C4orf54: variants seen among roughly 807,000 people sequenced by gnomAD.
The protein encoded by C4orf54 is uncharacterized protein C4orf54.
In C4orf54, 67 loss-of-function variants were observed where a neutral mutation model predicts 80.1. The ratio of observed to expected loss-of-function variants is 0.84; its 90% CI spans 0.69 to 1.03. The LOEUF (loss-of-function observed/expected upper bound fraction) is 1.03, where lower values mean the gene tolerates loss of function less well. Among genes scored for constraint, C4orf54 ranks in the 50% least tolerant of loss-of-function variants. C4orf54 has a pLI of 0.00. For synonymous variants in C4orf54, 1,000 were observed against 917.0 expected, an observed-to-expected ratio of 1.09 and a Z score of -1.64; for missense variants, 2,434 against 2,253.5, an observed-to-expected ratio of 1.08 and a Z score of -1.62.
In C4orf54 at chr4:99,654,533, G is replaced by A; in HGVS notation, c.116C>T (p.Thr39Ile). Residue 39 changes from threonine (T) to isoleucine (I), a missense_variant, in exon 2 of 3, where the codon ACA becomes ATA. Physicochemically the swap from Thr to Ile is moderately conservative, Grantham distance 89 (BLOSUM62 -1). Transcript: ENST00000511828. ...CCRRCQANNW[T>I]GQLSYRTLAT... The stretch of plus-strand genomic sequence containing the variant: ...CAGTGTTCTGTAGCTGAGCTGTCCT[G>A]TCCAGTTGTTTGCCTGGCACCGTCG... 2.8e-6 allele frequency: 2 copies of A among 703,230 alleles called. No homozygotes were observed. The highest frequency in any genetic ancestry group is 2.0e-5 in the Admixed American group (1 of 50,006). 43.6% of individuals were successfully genotyped at this position (703,230 alleles called of 1,614,324 possible).
chr4:99,651,589 C>G lies in C4orf54; in HGVS notation c.3060G>C (p.Ala1020=). 1 of 1,536,024 alleles carries G rather than the reference C, an allele frequency of 6.5e-7. No homozygotes were observed. Among genetic ancestry groups the G allele is most frequent in the South Asian group, 1.2e-5 (1 of 84,050 alleles). The change falls in exon 2 of 3, where the codon GCG becomes GCC. Residue 1020 remains alanine (A), a synonymous_variant. Coordinates refer to ENST00000511828, the MANE Select transcript of C4orf54 (RefSeq NM_001354435.2). ...KYPAAQATST[A]VIRPKAPEIK... is the part of the protein sequence containing the mutation. ...TTTCGGGAGCCTTGGGTCTGATCAC[C>G]GCTGTGGAGGTGGCCTGAGCAGCAG...
chr4:99,652,708 C>A lies in C4orf54; in HGVS notation c.1941G>T (p.Arg647=). Residue 647 remains arginine, a synonymous_variant, in exon 2 of 3, where the codon CGG becomes CGT. Coordinates refer to ENST00000511828, the MANE Select transcript of C4orf54 (RefSeq NM_001354435.2). ...CTTCGGAGAGCGTGGTGGAGGACTC[C>A]CGGGAGCTGATGTTCAGAGCCTCAA... ...PYFEALNISS[R]ESSTTLSEVG... 2 of 1,536,040 alleles carry A rather than the reference C, an allele frequency of 1.3e-6. No homozygotes were observed. The highest frequency in any genetic ancestry group is 2.4e-5 in the East Asian group (1 of 40,888).
chr4:99,651,155 C>A lies in C4orf54; in HGVS notation c.3494G>T (p.Ser1165Ile), dbSNP rs796308040. The change falls in exon 2 of 3, where the codon AGC becomes ATC. Residue 1165 changes from serine to isoleucine, a missense_variant. Coordinates refer to ENST00000511828, the MANE Select transcript of C4orf54 (RefSeq NM_001354435.2). ...CQAVVNQREDSMDREPRESMG... is the reference protein window; with the variant it reads ...CQAVVNQREDIMDREPRESMG... ...GCTTTCCCTGGGCTCTCGGTCCATG[C>A]TGTCTTCCCTCTGGTTCACTACAGC... 6.5e-7 allele frequency: 1 copy of A among 1,536,174 alleles called. No homozygotes were observed. The highest frequency in any genetic ancestry group is 8.7e-7 in the Non-Finnish European group (1 of 1,146,908).
At chr4:99,645,765 C>A (rs987879162) in intron 2 of C4orf54, among the ~76,000 whole-genome samples, 1 of 152,048 alleles carries the variant, frequency 6.6e-6, no homozygotes, top group African/African-American at 2.4e-5. Flanking sequence ...CTAACAACAA[C>A]AAAAAAGAAA....
intron 1 of C4orf54, among the ~76,000 whole-genome samples, chr4:99,655,987 T>C (rs1209800567): frequency 1.3e-5 from 2 of 152,138 alleles, no homozygotes; most frequent in Non-Finnish European, 1.5e-5. Flanking sequence ...CCCTAACAAC[T>C]GAAGCATCTA....
At chr4:99,656,214 C>T (rs570598806) in intron 1 of C4orf54, among the ~76,000 whole-genome samples, 5 of 150,038 alleles carry the variant, frequency 3.3e-5, no homozygotes, top group Admixed American at 2.0e-4. Context: ...GAGTAAAGAG[C>T]GAGAGAACTT....
In C4orf54 at chr4:99,650,684, C is replaced by T. The variant is rs973442257; in HGVS notation, c.3965G>A (p.Arg1322Gln). 10 of 1,535,996 alleles carry T rather than the reference C, an allele frequency of 6.5e-6. No individual in the cohort carries two copies. In the African/African-American group the frequency reaches 1.1e-4, roughly 17 times the overall value. ...LSKRLGEVEE[R>Q]GTGNKAGVVL... ...CACACCAGCTTTGTTTCCTGTGCCC[C>T]GCTCTTCCACCTCACCCAGCCGTTT... Residue 1322 changes from arginine (R) to glutamine (Q), a missense_variant, in exon 2 of 3, where the codon CGG becomes CAG. Transcript: ENST00000511828.
intron 2 of C4orf54, among the ~76,000 whole-genome samples, chr4:99,647,065 A>G (rs2110250367): frequency 6.6e-6 from 1 of 152,300 alleles, no homozygotes; most frequent in East Asian, 1.9e-4. Context: ...GGCTTTATTT[A>G]CTAAAATGAA....
chr4:99,653,792 A>G lies in C4orf54; in HGVS notation c.857T>C (p.Met286Thr). The G allele has an allele frequency of 6.5e-7, 1 of 1,536,008 alleles. No homozygotes were observed. Among genetic ancestry groups the G allele is most frequent in the Non-Finnish European group, 8.7e-7 (1 of 1,146,878 alleles). Residue 286 changes from methionine to threonine, a missense_variant, in exon 2 of 3, where the codon ATG becomes ACG. Met to Thr is a moderately conservative substitution (Grantham distance 81). Transcript: ENST00000511828. ...CCCTGTGGATGTGGTGGAGTCCTCC[A>G]TTTTGGAAAGGCCATCCTCTTCTGC... ...NKAEEDGLSK[M>T]EDSTTSTGAL...
At chr4:99,656,851 T>C (rs1051638270) in intron 1 of C4orf54, among the ~76,000 whole-genome samples, 1 of 152,216 alleles carries the variant, frequency 6.6e-6, no homozygotes, top group Non-Finnish European at 1.5e-5. Context: ...CTACACAGTG[T>C]TGCTGACTTC....
chr4:99,649,782 G>A lies in C4orf54; in HGVS notation c.4867C>T (p.Leu1623=). The A allele has an allele frequency of 6.5e-7, 1 of 1,536,262 alleles. No homozygotes were observed. Among genetic ancestry groups the A allele is most frequent in the Non-Finnish European group, 8.7e-7 (1 of 1,146,918 alleles). ...LLDVTTGQYY[L]VDTPVQPMTR... is the part of the protein sequence containing the mutation. ...ATGGGCTGTACTGGTGTGTCCACCA[G>A]ATAGTACTGGCCTGTTGTCACATCC... Residue 1623 remains leucine, a synonymous_variant, in exon 2 of 3, where the codon CTG becomes TTG. Transcript: ENST00000511828.
In C4orf54 at chr4:99,649,339, G is replaced by C; in HGVS notation, c.5310C>G (p.Pro1770=). ...GKPVISITSQ[P]LGPRIIAPPS... is the part of the protein sequence containing the mutation. ...GGGGAGCAATGATCCGTGGCCCCAGGGGCTGCGAAGTAATGCTGATGACAG... is the reference window on the plus strand; with the variant it reads ...GGGGAGCAATGATCCGTGGCCCCAGCGGCTGCGAAGTAATGCTGATGACAG... The change falls in exon 2 of 3, where the codon CCC becomes CCG. Residue 1770 remains proline, a synonymous_variant. Transcript: ENST00000511828. The C allele has an allele frequency of 6.5e-7, 1 of 1,536,078 alleles. No individual in the cohort carries two copies. Among genetic ancestry groups the C allele is most frequent in the Non-Finnish European group, 8.7e-7 (1 of 1,146,890 alleles).
rs1429504056 is a variant in C4orf54, at chr4:99,638,000, C to T, written c.*3233G>A. On this transcript the variant is annotated 3_prime_UTR_variant, in exon 3 of 3. Transcript: ENST00000511828. ...ACGTGAGCATTCAATTTGTAGCAAACACAGACTTTGATTTCTATGAAGTAT... is the reference window on the plus strand; with the variant it reads ...ACGTGAGCATTCAATTTGTAGCAAATACAGACTTTGATTTCTATGAAGTAT... 6.6e-6 allele frequency: 1 copy of T among 152,108 alleles called. No individual in the cohort carries two copies. The highest frequency in any genetic ancestry group is 2.4e-5 in the African/African-American group (1 of 41,432). 9.4% of individuals were successfully genotyped at this position (152,108 alleles called of 1,614,324 possible). A position where few individuals can be genotyped will look rare whatever the true frequency, so the allele number is the denominator to read the frequency against.
In C4orf54 at chr4:99,653,574, G is replaced by T; in HGVS notation, c.1075C>A (p.Pro359Thr). The change falls in exon 2 of 3, where the codon CCC (proline) becomes ACC (threonine). Residue 359 changes from proline (P) to threonine (T), a missense_variant. Pro to Thr is a conservative substitution (Grantham distance 38). Coordinates refer to ENST00000511828, the MANE Select transcript of C4orf54 (RefSeq NM_001354435.2). The stretch of plus-strand genomic sequence containing the variant: ...TAGTGAGCCTCTTCGACTTTGGGGG[G>T]GTCCCTGCTGCCCTGGGACTTGGCA... The part of the protein sequence containing the change: ...IIAKSQGSRD[P>T]PKVEEAHYIT... The T allele has an allele frequency of 6.5e-7, 1 of 1,535,888 alleles. No homozygotes were observed. Among genetic ancestry groups the T allele is most frequent in the East Asian group, 2.4e-5 (1 of 40,886 alleles).
rs1450237083 is a variant in C4orf54, at chr4:99,652,041, A to C, written c.2608T>G (p.Ser870Ala). Residue 870 changes from serine (S) to alanine (A), a missense_variant, in exon 2 of 3, where the codon TCC (serine) becomes GCC (alanine). Transcript: ENST00000511828. ...RGLQRQSSRH[S>A]EAGSEYTVVS... is the part of the protein sequence containing the mutation. ...ACTGTGTACTCGGAGCCGGCCTCGG[A>C]GTGACGAGAGCTCTGCCTCTGCAGG... 3.3e-6 allele frequency: 5 copies of C among 1,535,868 alleles called. No individual in the cohort carries two copies. The highest frequency in any genetic ancestry group is 4.4e-6 in the Non-Finnish European group (5 of 1,146,862).
chr4:99,654,378 C>T lies in C4orf54; in HGVS notation c.271G>A (p.Ala91Thr). ...PQGLKNWEVV[A>T]AVAAVPTALG... ...GCTGTAGGCACTGCTGCCACTGCTG[C>T]CACCACCTCCCAGTTCTTCAGCCCC... The change falls in exon 2 of 3, where the codon GCA becomes ACA. Residue 91 changes from alanine to threonine, a missense_variant. Physicochemically the swap from Ala to Thr is moderately conservative, Grantham distance 58. Coordinates refer to ENST00000511828, the MANE Select transcript of C4orf54 (RefSeq NM_001354435.2). 1 of 975,936 alleles carries T rather than the reference C, an allele frequency of 1.0e-6. No individual in the cohort carries two copies. 60.5% of individuals were successfully genotyped at this position (975,936 alleles called of 1,614,324 possible).
At position 99,650,965 on chromosome 4, in the gene C4orf54, G is replaced by A; in HGVS notation, c.3684C>T (p.Thr1228=). The A allele has an allele frequency of 6.5e-7, 1 of 1,536,098 alleles. No homozygotes were observed. Among genetic ancestry groups the A allele is most frequent in the Non-Finnish European group, 8.7e-7 (1 of 1,146,924 alleles). ...PVLKIVSKAS[T]QKTPEKLKEE... ...CCTTGAGCTTCTCTGGGGTCTTCTG[G>A]GTGGAAGCCTTGGAGACAATCTTGA... Residue 1228 remains threonine, a synonymous_variant, in exon 2 of 3, where the codon ACC becomes ACT. Transcript: ENST00000511828.
In C4orf54 at chr4:99,650,666, GC is replaced by G. The variant is rs748561223; in HGVS notation, c.3982del (p.Ala1328LeufsTer10). ...EVEERGTGNK[A>X]GVVLRGAPIE... ...GGGGGCCCCTCGCAGGACCACACCA[GC>G]TTTGTTTCCTGTGCCCCGCTCTTCC... On this transcript the variant is annotated frameshift_variant, in exon 2 of 3. Transcript: ENST00000511828. LOFTEE classifies it high-confidence loss of function. 7.7e-5 allele frequency: 119 copies of G among 1,535,966 alleles called. No homozygotes were observed. The highest frequency in any genetic ancestry group is 9.9e-5 in the Non-Finnish European group (113 of 1,146,900).
In C4orf54 at chr4:99,653,478, G is replaced by A; in HGVS notation, c.1171C>T (p.Arg391Cys). The A allele has an allele frequency of 1.3e-6, 2 of 1,536,054 alleles. No individual in the cohort carries two copies. Among genetic ancestry groups the A allele is most frequent in the Non-Finnish European group, 8.7e-7 (1 of 1,146,904 alleles). Residue 391 changes from arginine (R) to cysteine (C), a missense_variant, in exon 2 of 3, where the codon CGC (arginine) becomes TGC (cysteine). Physicochemically the swap from Arg to Cys is radical, Grantham distance 180. Coordinates refer to ENST00000511828, the MANE Select transcript of C4orf54 (RefSeq NM_001354435.2). ...DMDFDVGLAS[R>C]WDFEDNNVIY... ...ACGTTGTTGTCCTCGAAATCCCAGCGGGAGGCCAGTCCCACGTCGAAATCC... is the reference window on the plus strand; with the variant it reads ...ACGTTGTTGTCCTCGAAATCCCAGCAGGAGGCCAGTCCCACGTCGAAATCC...
Sources: allele counts gnomAD v4.1 joint callset (sites outside exome capture counted in the v4.1 genomes callset), GRCh38; gene constraint gnomAD v4.1.1; transcripts MANE v1.5; gene names NCBI Gene and HGNC (gene_info 2026-07-23, HGNC 2026-07-21).